Variants in AUTS2 observed in about 807,000 individuals in gnomAD.
AUTS2 encodes activator of transcription and developmental regulator AUTS2.
Under a neutral mutation model 112.4 loss-of-function variants are expected in AUTS2, and 17 were observed. The observed-to-expected ratio is 0.15, with a 90% CI of 0.10 to 0.23. The LOEUF (loss-of-function observed/expected upper bound fraction) is 0.23, where lower values mean the gene tolerates loss of function less well. AUTS2 is among the 10% of genes least tolerant of loss of function. AUTS2 has a pLI of 1.00. For missense variants in AUTS2, 1,510 were observed against 1,701.6 expected (o/e 0.89, Z 1.98); for synonymous variants, 751 against 702.7 (o/e 1.07, Z -1.09).
At chr7:69,714,236 CATGTGTGTGTATAT>C (rs796560609) in intron 1 of AUTS2, among the ~76,000 whole-genome samples, 4 of 106,350 alleles carry the variant, frequency 3.8e-5, no homozygotes, top group African/African-American at 1.8e-4. Flanking sequence ...GCTAATTGTG[CATGTGTGTGTATAT>C]GTGTGTGTGT....
At chr7:70,506,985 G>A (rs1051708676) in intron 5 of AUTS2, among the ~76,000 whole-genome samples, 1 of 152,186 alleles carries the variant, frequency 6.6e-6, no homozygotes, top group African/African-American at 2.4e-5. Flanking sequence ...CTCAGAATCT[G>A]GGGAAGCCTG....
chr7:69,731,063 A>G (rs529009896), intron 1 of AUTS2, among the ~76,000 whole-genome samples: 1 of 152,322 alleles, frequency 6.6e-6, no homozygotes, highest in Non-Finnish European at 1.5e-5. Flanking sequence ...TGGGAGGCCA[A>G]GGTGGGAGGA....
At chr7:70,031,262 C>T (rs956434482) in intron 2 of AUTS2, among the ~76,000 whole-genome samples, 1 of 152,090 alleles carries the variant, frequency 6.6e-6, no homozygotes, top group African/African-American at 2.4e-5. Flanking sequence ...GAAAGTTTGT[C>T]TTAGTGTGCA....
intron 10 of AUTS2, among the ~76,000 whole-genome samples, chr7:70,768,562 TGTTGA>T (rs1790085864): frequency 6.6e-6 from 1 of 152,206 alleles, no homozygotes; most frequent in Non-Finnish European, 1.5e-5. Context: ...GGTATTGTTC[TGTTGA>T]GTTTGTTACA....
At chr7:70,148,236 T>G (rs1295567256) in intron 4 of AUTS2, among the ~76,000 whole-genome samples, 1 of 152,104 alleles carries the variant, frequency 6.6e-6, no homozygotes, top group Admixed American at 6.6e-5. Context: ...GACTTAGAGT[T>G]TTTGGATTCT....
chr7:70,029,777 C>A (rs899966008), intron 2 of AUTS2, among the ~76,000 whole-genome samples: 7 of 152,232 alleles, frequency 4.6e-5, no homozygotes, highest in African/African-American at 1.7e-4. Flanking sequence ...TAAATATGTT[C>A]AACTTTGCTG....
At chr7:70,461,451 C>A (rs1209304196) in intron 5 of AUTS2, among the ~76,000 whole-genome samples, 4 of 152,134 alleles carry the variant, frequency 2.6e-5, no homozygotes, top group Non-Finnish European at 5.9e-5. Flanking sequence ...ATGATGGGCT[C>A]AGCAGTGGGA....
intron 2 of AUTS2, among the ~76,000 whole-genome samples, chr7:69,900,518 C>T (rs1794926165): frequency 1.3e-5 from 2 of 152,156 alleles, no homozygotes; most frequent in African/African-American, 2.4e-5. Flanking sequence ...ATTTCTGGCC[C>T]CTCTTTAGGA....
chr7:70,116,382 G>C (rs1805357888), intron 2 of AUTS2, among the ~76,000 whole-genome samples: 1 of 152,110 alleles, frequency 6.6e-6, no homozygotes. Context: ...AGTGAGGTCT[G>C]AACTGTAGTC....
intron 1 of AUTS2, among the ~76,000 whole-genome samples, chr7:69,770,619 T>C (rs1788620218): frequency 6.6e-6 from 1 of 152,136 alleles, no homozygotes; most frequent in Admixed American, 6.5e-5. Context: ...CTACTTCTTC[T>C]ACATCACAAC....
intron 3 of AUTS2, among the ~76,000 whole-genome samples, chr7:70,128,643 A>ACAGTG (rs1584764128): frequency 1.3e-5 from 2 of 152,228 alleles, no homozygotes; most frequent in African/African-American, 4.8e-5. Context: ...GTGAAGTAGC[A>ACAGTG]CAGTGGCTGA....
chr7:70,548,370 C>T (rs1349320470), intron 5 of AUTS2, among the ~76,000 whole-genome samples: 1 of 151,360 alleles, frequency 6.6e-6, no homozygotes, highest in Non-Finnish European at 1.5e-5. Context: ...AGTGGCTTGA[C>T]TTTTCATATC....
At chr7:70,651,188 G>A (rs927616718) in intron 5 of AUTS2, among the ~76,000 whole-genome samples, 7 of 152,068 alleles carry the variant, frequency 4.6e-5, no homozygotes, top group African/African-American at 1.4e-4. Context: ...CATTATTTCC[G>A]CTATATAGAT....
chr7:70,163,346 G>GC (rs1218474537), intron 4 of AUTS2, among the ~76,000 whole-genome samples: 3 of 81,070 alleles, frequency 3.7e-5, no homozygotes, highest in African/African-American at 4.8e-5. Flanking sequence ...TGTGGTGGTG[G>GC]GGGGGGGGGG....
chr7:70,472,132 T>C (rs1252352871), intron 5 of AUTS2, among the ~76,000 whole-genome samples: 1 of 152,168 alleles, frequency 6.6e-6, no homozygotes, highest in African/African-American at 2.4e-5. Context: ...AGAATAAAAT[T>C]ACATTGTCAC....
chr7:70,622,344 C>T (rs760503904), intron 5 of AUTS2, among the ~76,000 whole-genome samples: 10 of 152,218 alleles, frequency 6.6e-5, no homozygotes, highest in East Asian at 3.9e-4. Flanking sequence ...CTCATCCTGC[C>T]GTCTAGACCT....
chr7:70,430,077 A>T (rs997355), intron 4 of AUTS2, among the ~76,000 whole-genome samples: 23,234 of 152,204 alleles, frequency 0.15, 2,042 homozygotes, highest in Non-Finnish European at 0.18. Flanking sequence ...ATGACAAAAT[A>T]AAACCCTGAA....
chr7:70,511,933 G>C (rs1799213046), intron 5 of AUTS2, among the ~76,000 whole-genome samples: 1 of 152,080 alleles, frequency 6.6e-6, no homozygotes, highest in African/African-American at 2.4e-5. Context: ...GTCCTGGTTT[G>C]ATTGATAAAT....
chr7:70,081,386 A>C (rs1046331126), intron 2 of AUTS2, among the ~76,000 whole-genome samples: 2 of 111,678 alleles, frequency 1.8e-5, no homozygotes, highest in East Asian at 2.4e-4. Context: ...CCCCGTCTCT[A>C]TAAAAAAAAA....
Sources: gnomAD v4.1 joint callset for allele counts (sites outside exome capture counted in the v4.1 genomes callset) on GRCh38, gnomAD v4.1.1 for gene constraint, MANE v1.5 for transcripts, NCBI Gene and HGNC (gene_info 2026-07-23, HGNC 2026-07-21) for gene names.